The following TAFA5 variants were observed in gnomAD, a reference collection of about 807,000 sequenced individuals.
The protein encoded by TAFA5 is chemokine-like protein TAFA-5.
A neutral mutation model predicts 15.3 loss-of-function variants in TAFA5; 6 were observed. The observed-to-expected ratio is 0.39, with a 90% CI of 0.21 to 0.77. The LOEUF (loss-of-function observed/expected upper bound fraction) is 0.77, where lower values mean the gene tolerates loss of function less well. TAFA5 is among the 30% of genes least tolerant of loss of function. The pLI is 0.41. For missense variants in TAFA5, 161 were observed against 193.1 expected (o/e 0.83, Z 0.98); for synonymous variants, 103 against 80.7 (o/e 1.28, Z -1.48).
At chr22:48,700,370 C>G (rs765241362) in intron 2 of TAFA5, among the ~76,000 whole-genome samples, 2 of 152,112 alleles carry the variant, frequency 1.3e-5, no homozygotes, top group Admixed American at 6.5e-5. Flanking sequence ...CCGTGAGAGC[C>G]TGACCTCGCC....
chr22:48,607,918 G>T (rs1250618266), intron 1 of TAFA5, among the ~76,000 whole-genome samples: 1 of 152,188 alleles, frequency 6.6e-6, no homozygotes, highest in Non-Finnish European at 1.5e-5. Context: ...TGACTTGTGG[G>T]GAGGGTGGGG....
At chr22:48,556,447 C>T (rs753564627) in intron 1 of TAFA5, among the ~76,000 whole-genome samples, 4 of 152,266 alleles carry the variant, frequency 2.6e-5, no homozygotes, top group Non-Finnish European at 4.4e-5. Context: ...CATATGCACG[C>T]GTGCTAAGCT....
chr22:48,493,129 G>A (rs940407738), intron 1 of TAFA5, among the ~76,000 whole-genome samples: 1 of 152,174 alleles, frequency 6.6e-6, no homozygotes, highest in Non-Finnish European at 1.5e-5. Flanking sequence ...GCACTGACTC[G>A]GTCCTTGTGT....
intron 1 of TAFA5, among the ~76,000 whole-genome samples, chr22:48,563,813 G>A (rs1923319285): frequency 6.6e-6 from 1 of 152,180 alleles, no homozygotes; most frequent in Non-Finnish European, 1.5e-5. Flanking sequence ...TGGCAGCGTC[G>A]ACTCCACCCT....
intron 1 of TAFA5, among the ~76,000 whole-genome samples, chr22:48,517,279 T>A (rs957002263): frequency 2.0e-5 from 3 of 152,082 alleles, no homozygotes; most frequent in Non-Finnish European, 4.4e-5. Flanking sequence ...TGGCACAGAC[T>A]CCAGGCCCAG....
At chr22:48,661,200 C>T (rs961905761) in intron 2 of TAFA5, among the ~76,000 whole-genome samples, 1 of 152,220 alleles carries the variant, frequency 6.6e-6, no homozygotes, top group Non-Finnish European at 1.5e-5. Flanking sequence ...GCCCTACGGT[C>T]AGGGTCTGTG....
intron 1 of TAFA5, among the ~76,000 whole-genome samples, chr22:48,616,280 G>A (rs1439628749): frequency 2.6e-5 from 4 of 152,254 alleles, no homozygotes; most frequent in African/African-American, 7.2e-5. Flanking sequence ...GGCCAATACC[G>A]CCGTAACCCC....
chr22:48,659,798 G>A (rs968555529), intron 2 of TAFA5, among the ~76,000 whole-genome samples: 2 of 152,188 alleles, frequency 1.3e-5, no homozygotes, highest in Non-Finnish European at 2.9e-5. Context: ...CACAGCTGGC[G>A]CCCTCCACCT....
chr22:48,725,371 A>C (rs1437509540), intron 3 of TAFA5, among the ~76,000 whole-genome samples: 1 of 152,136 alleles, frequency 6.6e-6, no homozygotes, highest in Non-Finnish European at 1.5e-5. Context: ...AATAATAAGC[A>C]CTATCTATGG....
intron 2 of TAFA5, among the ~76,000 whole-genome samples, chr22:48,690,842 G>A (rs1024100652): frequency 5.9e-5 from 9 of 151,732 alleles, no homozygotes; most frequent in African/African-American, 1.5e-4. Context: ...TTGGGGGGCC[G>A]TGCTGCCCCC....
chr22:48,748,792 A>T (rs983766787), intron 3 of TAFA5, among the ~76,000 whole-genome samples: 2 of 152,166 alleles, frequency 1.3e-5, no homozygotes, highest in African/African-American at 4.8e-5. Flanking sequence ...CGAGACCCTC[A>T]TCATCACCGC....
chr22:48,542,498 GTGCGTGTGTGGC>G (rs1922462212), intron 1 of TAFA5, among the ~76,000 whole-genome samples: 5 of 122,504 alleles, frequency 4.1e-5, no homozygotes, highest in South Asian at 2.9e-4. Context: ...TGTGGTGTGT[GTGCGTGTGTGGC>G]ATGTGTGTGT....
At chr22:48,642,894 A>C (rs570212723) in intron 1 of TAFA5, among the ~76,000 whole-genome samples, 1 of 152,136 alleles carries the variant, frequency 6.6e-6, no homozygotes, top group African/African-American at 2.4e-5. Flanking sequence ...AGAGCCAGGG[A>C]GCTCCACTCT....
chr22:48,743,836 G>A (rs1010473186), intron 3 of TAFA5, among the ~76,000 whole-genome samples: 10 of 152,236 alleles, frequency 6.6e-5, no homozygotes, highest in Non-Finnish European at 1.5e-4. Context: ...ATAAATGTTT[G>A]ACAGATAAAC....
chr22:48,593,297 C>A (rs901176198), intron 1 of TAFA5, among the ~76,000 whole-genome samples: 2 of 152,180 alleles, frequency 1.3e-5, no homozygotes, highest in African/African-American at 2.4e-5. Flanking sequence ...TGGTCGGGCC[C>A]AGCCCCTCCA....
chr22:48,620,140 G>C (rs1925751278), intron 1 of TAFA5, among the ~76,000 whole-genome samples: 2 of 152,086 alleles, frequency 1.3e-5, no homozygotes, highest in Non-Finnish European at 2.9e-5. Flanking sequence ...CTTCTGGGAT[G>C]GGGGCAGGGT....
chr22:48,548,340 G>T (rs569952349), intron 1 of TAFA5, among the ~76,000 whole-genome samples: 3 of 152,190 alleles, frequency 2.0e-5, no homozygotes, highest in South Asian at 2.1e-4. Context: ...CTGCTCCCTC[G>T]CCCCGCCGAC....
intron 1 of TAFA5, among the ~76,000 whole-genome samples, chr22:48,578,592 G>C (rs967909579): frequency 6.6e-6 from 1 of 152,204 alleles, no homozygotes; most frequent in Non-Finnish European, 1.5e-5. Flanking sequence ...GTGGGATGAG[G>C]ATGGGGTCAG....
At chr22:48,629,327 C>T (rs1438705066) in intron 1 of TAFA5, among the ~76,000 whole-genome samples, 1 of 152,142 alleles carries the variant, frequency 6.6e-6, no homozygotes, top group Non-Finnish European at 1.5e-5. Flanking sequence ...GCGGAACAAC[C>T]CAGCGGCCCC....
Sources: gnomAD v4.1 joint callset for allele counts (sites outside exome capture counted in the v4.1 genomes callset) on GRCh38, gnomAD v4.1.1 for gene constraint, MANE v1.5 for transcripts, NCBI Gene and HGNC (gene_info 2026-07-23, HGNC 2026-07-21) for gene names.